The following ERC1 variants were observed in gnomAD, a reference collection of about 807,000 sequenced individuals.
ERC1 encodes the protein ELKS/RAB6-interacting/CAST family member 1.
ERC1 carries 56 observed loss-of-function variants against 132.0 expected under a neutral mutation model. The observed-to-expected ratio is 0.42, with a 90% confidence interval of 0.34 to 0.53. The LOEUF is 0.53. Ranked by LOEUF, ERC1 falls within the 20% of genes least tolerant of loss-of-function variation. The pLI is 0.03. For synonymous variants in ERC1, 478 were observed against 476.1 expected (o/e 1.00, Z -0.05); for missense variants, 1,202 against 1,349.9 (o/e 0.89, Z 1.72).
intron 3 of ERC1, among the ~76,000 whole-genome samples, chr12:1,098,765 C>G (rs189037440): frequency 1.3e-5 from 2 of 152,312 alleles, no homozygotes; most frequent in East Asian, 3.9e-4. Context: ...GAGCAGAGGG[C>G]AGGCCTAGAA....
intron 12 of ERC1, among the ~76,000 whole-genome samples, chr12:1,234,813 T>C (rs554174814): frequency 1.6e-4 from 25 of 152,346 alleles, no homozygotes; most frequent in African/African-American, 5.8e-4. Flanking sequence ...GCAATGCATG[T>C]AAATATTCCT....
At chr12:1,354,834 G>A (rs953637214) in intron 15 of ERC1, among the ~76,000 whole-genome samples, 2 of 152,066 alleles carry the variant, frequency 1.3e-5, no homozygotes, top group African/African-American at 4.8e-5. Flanking sequence ...TAGAGACGGG[G>A]TGTCACCAAG....
At chr12:1,282,953 A>G (rs2078783898) in intron 14 of ERC1, among the ~76,000 whole-genome samples, 1 of 152,104 alleles carries the variant, frequency 6.6e-6, no homozygotes, top group South Asian at 2.1e-4. Context: ...GTATAACAAG[A>G]TTTTCCATAC....
intron 8 of ERC1, chr12:1,151,747 C>T (rs1304417398): frequency 1.1e-5 from 1 of 95,034 alleles, no homozygotes; most frequent in African/African-American, 1.2e-4. Flanking sequence ...CACACAACTG[C>T]CCAACTTGGT....
At chr12:1,118,825 C>G (rs1165174151) in intron 7 of ERC1, among the ~76,000 whole-genome samples, 2 of 152,142 alleles carry the variant, frequency 1.3e-5, no homozygotes, top group Non-Finnish European at 2.9e-5. Flanking sequence ...ACTCGGATTA[C>G]TAAATTAAGT....
chr12:1,488,308 T>C (rs2094271459), intron 18 of ERC1, among the ~76,000 whole-genome samples: 1 of 152,096 alleles, frequency 6.6e-6, no homozygotes, highest in African/African-American at 2.4e-5. Context: ...ATCTGTATGC[T>C]CTTGCTGGGT....
At chr12:1,342,488 A>G (rs1410348533) in intron 15 of ERC1, among the ~76,000 whole-genome samples, 2 of 151,204 alleles carry the variant, frequency 1.3e-5, no homozygotes, top group African/African-American at 2.5e-5. Flanking sequence ...AAAAACAAAA[A>G]AAAGATAAAG....
intron 16 of ERC1, among the ~76,000 whole-genome samples, chr12:1,376,807 A>G (rs73040902): frequency 3.6e-3 from 543 of 152,324 alleles, no homozygotes; most frequent in Non-Finnish European, 5.2e-3. Context: ...AAGGGGATCT[A>G]TTTATACGCC....
At chr12:1,371,110 G>A (rs1165561147) in intron 15 of ERC1, among the ~76,000 whole-genome samples, 1 of 152,186 alleles carries the variant, frequency 6.6e-6, no homozygotes, top group Non-Finnish European at 1.5e-5. Context: ...ATTAATTGTA[G>A]AGAGAATGTC....
intron 8 of ERC1, among the ~76,000 whole-genome samples, chr12:1,172,189 G>A (rs1165267559): frequency 6.6e-6 from 1 of 152,160 alleles, no homozygotes; most frequent in East Asian, 1.9e-4. Flanking sequence ...TCTTCCTTGG[G>A]CTGGGTACAG....
At chr12:1,114,063 C>T (rs961874309) in intron 6 of ERC1, among the ~76,000 whole-genome samples, 2 of 151,882 alleles carry the variant, frequency 1.3e-5, no homozygotes, top group Non-Finnish European at 2.9e-5. Flanking sequence ...CTTTCTCTGT[C>T]GCCAGGCTGG....
At chr12:996,940 G>A (rs1961048653) in intron 1 of ERC1, among the ~76,000 whole-genome samples, 1 of 152,118 alleles carries the variant, frequency 6.6e-6, no homozygotes, top group Non-Finnish European at 1.5e-5. Flanking sequence ...TACTTTTTGA[G>A]AAGGGTCTTG....
In ERC1 at chr12:1,292,317, C is replaced by T. The variant is rs113887258; in HGVS notation, c.2780+2305C>T. Among the ~76,000 whole-genome samples the T allele has an allele frequency of 5.2e-3, 794 of 152,200 alleles. 10 individuals are homozygous for T. Among genetic ancestry groups the T allele is most frequent in the African/African-American group, 0.018 (761 of 41,512 alleles). On this transcript the variant is annotated intron_variant, in intron 15 of 18. Coordinates refer to ENST00000360905, the MANE Select transcript of ERC1 (RefSeq NM_178040.4). ...TTTAGAGCTATTCAATAGGTAGCCT[C>T]CTATATGCAGGCAGTTAGTTGTAAG...
intron 1 of ERC1, among the ~76,000 whole-genome samples, chr12:1,012,039 A>G (rs1203157948): frequency 1.3e-5 from 2 of 152,266 alleles, no homozygotes; most frequent in East Asian, 3.9e-4. Context: ...GCTTCATGTT[A>G]AGTCATAAAG....
chr12:1,117,380 C>T (rs1946566006), intron 7 of ERC1, among the ~76,000 whole-genome samples: 1 of 152,144 alleles, frequency 6.6e-6, no homozygotes, highest in African/African-American at 2.4e-5. Context: ...TTTTAGCTGA[C>T]ATGTTTGTCA....
intron 12 of ERC1, chr12:1,204,488 C>T: frequency 6.3e-7 from 1 of 1,583,822 alleles, no homozygotes; most frequent in South Asian, 1.1e-5. Context: ...CCTGGATTTC[C>T]TGTTTCCTTC....
intron 14 of ERC1, among the ~76,000 whole-genome samples, chr12:1,273,903 T>A (rs2154332548): frequency 6.6e-6 from 1 of 152,376 alleles, no homozygotes; most frequent in South Asian, 2.1e-4. Flanking sequence ...CTGATATAGT[T>A]GGTCATTTTT....
intron 12 of ERC1, among the ~76,000 whole-genome samples, chr12:1,226,666 A>AG (rs1325700090): frequency 6.6e-6 from 1 of 152,138 alleles, no homozygotes; most frequent in African/African-American, 2.4e-5. Flanking sequence ...TCATATCACA[A>AG]GTGGCAGTAT....
intron 18 of ERC1, among the ~76,000 whole-genome samples, chr12:1,477,868 GTC>G (rs1565516302): frequency 6.6e-6 from 1 of 152,118 alleles, no homozygotes; most frequent in Non-Finnish European, 1.5e-5. Context: ...ACTCTATTGT[GTC>G]TGGATTCTGT....
Sources: allele counts gnomAD v4.1 joint callset (sites outside exome capture counted in the v4.1 genomes callset), GRCh38; gene constraint gnomAD v4.1.1; transcripts MANE v1.5; gene names NCBI Gene and HGNC (gene_info 2026-07-23, HGNC 2026-07-21).